ANKAR: variants seen among roughly 807,000 people sequenced by gnomAD.
The protein encoded by ANKAR is ankyrin and armadillo repeat containing.
In ANKAR, 136 loss-of-function variants were observed where a neutral mutation model predicts 146.2. That is an observed-to-expected ratio of 0.93 (90% confidence interval 0.81 to 1.07). The LOEUF (loss-of-function observed/expected upper bound fraction) is 1.07. Ranked by LOEUF, ANKAR falls within the 50% of genes least tolerant of loss-of-function variation. The pLI is 0.00. For synonymous variants in ANKAR, 500 were observed against 575.8 expected, an observed-to-expected ratio of 0.87 and a Z score of 1.88; for missense variants, 1,567 against 1,679.9, an observed-to-expected ratio of 0.93 and a Z score of 1.18.
intron 2 of ANKAR, among the ~76,000 whole-genome samples, chr2:189,681,369 A>G (rs1232427720): frequency 1.3e-5 from 2 of 152,222 alleles, no homozygotes; most frequent in African/African-American, 2.4e-5. Flanking sequence ...TGACAAAGTT[A>G]GTTACATCAA....
intron 2 of ANKAR, among the ~76,000 whole-genome samples, chr2:189,678,815 T>G (rs569589251): frequency 1.3e-5 from 2 of 152,360 alleles, no homozygotes; most frequent in Admixed American, 1.3e-4. Flanking sequence ...CCATGCTGTT[T>G]TGTTAACTAT....
In ANKAR at chr2:189,743,444, A is replaced by C. The variant is rs759055872; in HGVS notation, c.3980A>C (p.Gln1327Pro). The C allele has an allele frequency of 1.2e-6, 2 of 1,613,910 alleles. No homozygotes were observed. The highest frequency in any genetic ancestry group is 2.2e-5 in the South Asian group (2 of 91,056). Residue 1327 changes from glutamine to proline, a missense_variant, in exon 21 of 23, where the codon CAA (glutamine) becomes CCA (proline). Gln to Pro is a moderately conservative substitution (Grantham distance 76, BLOSUM62 -1). Transcript: ENST00000684021. Reference sequence around the variant, plus strand: ...GCATTTTTAAAGGAATTTCAAATGCAACAAACACTGGTGGGACTTCCTTCC... The same window carrying C: ...GCATTTTTAAAGGAATTTCAAATGCCACAAACACTGGTGGGACTTCCTTCC... The part of the protein sequence containing the change: ...NPAFLKEFQM[Q>P]QTLVGLPSLS...
At chr2:189,759,264 T>C (rs1390627319) in intron 18 of ANKAR, among the ~76,000 whole-genome samples, 1 of 152,116 alleles carries the variant, frequency 6.6e-6, no homozygotes, top group African/African-American at 2.4e-5. Flanking sequence ...TTTTTTTTTT[T>C]TTGAGACAGA....
intron 5 of ANKAR, among the ~76,000 whole-genome samples, chr2:189,694,624 C>T (rs1217517328): frequency 6.6e-6 from 1 of 152,048 alleles, no homozygotes; most frequent in Non-Finnish European, 1.5e-5. Context: ...GGTAAACTCT[C>T]GAGGAGCCAG....
At chr2:189,733,793 TTTTTG>T (rs2042605681) in intron 17 of ANKAR, among the ~76,000 whole-genome samples, 1 of 151,896 alleles carries the variant, frequency 6.6e-6, no homozygotes, top group African/African-American at 2.4e-5. Context: ...CAATGTCCCT[TTTTTG>T]TTTTTTTTAT....
intron 2 of ANKAR, 25 bp downstream of exon 2, chr2:189,677,116 A>AT (rs61285192): frequency 0.024 from 29,919 of 1,261,420 alleles, 10 homozygotes; most frequent in African/African-American, 0.053. Flanking sequence ...CACTTCTTAA[A>AT]TTTTTTTTTT....
intron 10 of ANKAR, among the ~76,000 whole-genome samples, chr2:189,715,479 G>C (rs1369842597): frequency 3.9e-5 from 6 of 152,174 alleles, no homozygotes; most frequent in African/African-American, 1.4e-4. Context: ...TTCAGGACCA[G>C]ACGGATTCAC....
downstream of ANKAR, among the ~76,000 whole-genome samples, chr2:189,762,063 G>A (rs974546647): frequency 5.3e-5 from 8 of 152,182 alleles, no homozygotes; most frequent in Non-Finnish European, 1.0e-4. Flanking sequence ...TACTGTTAAT[G>A]TATTCCATCT....
chr2:189,707,548 T>G (rs904103271), intron 9 of ANKAR, among the ~76,000 whole-genome samples: 4 of 150,184 alleles, frequency 2.7e-5, no homozygotes, highest in Non-Finnish European at 5.9e-5. Flanking sequence ...GAGACAAATT[T>G]AGCAAAATCT....
chr2:189,677,142 AGTCTTACTAC>A, intron 2 of ANKAR, 51 bp downstream of exon 2: 1 of 1,413,342 alleles, frequency 7.1e-7, no homozygotes, highest in Non-Finnish European at 9.2e-7. Context: ...TTTGGAACAG[AGTCTTACTAC>A]GTCACCCAGG....
Position 189,709,753 on chromosome 2 carries a change from T to C in ANKAR, c.2120-1296T>C, listed in dbSNP as rs1235145418. ...CCCCAAGAGATATTGGAAAGTGTTT[T>C]CAGTGTTTATTTGCATGCATTTGTA... On this transcript the variant is annotated intron_variant, in intron 9 of 22. Coordinates refer to ENST00000684021, the MANE Select transcript of ANKAR (RefSeq NM_001378068.1). Among the ~76,000 whole-genome samples the C allele has an allele frequency of 2.0e-5, 3 of 152,240 alleles. No individual in the cohort carries two copies. In the East Asian group the frequency reaches 5.8e-4, roughly 29 times the overall value.
intron 10 of ANKAR, among the ~76,000 whole-genome samples, chr2:189,712,480 G>T (rs1431094966): frequency 6.6e-6 from 1 of 152,190 alleles, no homozygotes; most frequent in African/African-American, 2.4e-5. Flanking sequence ...AGGCAAACAG[G>T]GTCTGGAGTG....
At chr2:189,677,229 G>A in intron 2 of ANKAR, 138 bp downstream of exon 2, 1 of 735,446 alleles carries the variant, frequency 1.4e-6, no homozygotes, top group Non-Finnish European at 2.0e-6. Context: ...AGGATTACAG[G>A]CATGAGCCGC....
At chr2:189,737,186 T>G (rs2042940642) in intron 17 of ANKAR, among the ~76,000 whole-genome samples, 1 of 151,966 alleles carries the variant, frequency 6.6e-6, no homozygotes, top group Non-Finnish European at 1.5e-5. Context: ...TATATTGAAT[T>G]ATTTTTAATA....
At chr2:189,690,525 G>A (rs1188834235) in intron 3 of ANKAR, among the ~76,000 whole-genome samples, 1 of 152,086 alleles carries the variant, frequency 6.6e-6, no homozygotes, top group Non-Finnish European at 1.5e-5. Context: ...GAATTTGATG[G>A]GACTTCAGTA....
intron 2 of ANKAR, among the ~76,000 whole-genome samples, chr2:189,684,703 C>T (rs908625426): frequency 2.0e-5 from 3 of 151,474 alleles, no homozygotes; most frequent in Non-Finnish European, 4.4e-5. Context: ...TGGTGGTGCA[C>T]GCCTGTAGTC....
chr2:189,725,944 G>A (rs1335756660), intron 12 of ANKAR, among the ~76,000 whole-genome samples: 7 of 151,992 alleles, frequency 4.6e-5, no homozygotes, highest in Non-Finnish European at 1.0e-4. Context: ...GTAAAGGGTT[G>A]AATAAAATAG....
At chr2:189,756,409 CA>C (rs748617119) in intron 18 of ANKAR, among the ~76,000 whole-genome samples, 1 of 150,578 alleles carries the variant, frequency 6.6e-6, no homozygotes, top group Admixed American at 6.6e-5. Context: ...CTGCTAGTTT[CA>C]AAAAAAAATC....
At chr2:189,726,425 G>A (rs1199102731) in intron 12 of ANKAR, among the ~76,000 whole-genome samples, 1 of 152,032 alleles carries the variant, frequency 6.6e-6, no homozygotes, top group Non-Finnish European at 1.5e-5. Context: ...GGGATTACAG[G>A]CATGCACCAC....
Sources: gnomAD v4.1 joint callset for allele counts (sites outside exome capture counted in the v4.1 genomes callset) on GRCh38, gnomAD v4.1.1 for gene constraint, MANE v1.5 for transcripts, NCBI Gene and HGNC (gene_info 2026-07-23, HGNC 2026-07-21) for gene names.